Variants in COMMD1 observed in about 807,000 individuals in gnomAD.
COMMD1 encodes COMM domain-containing protein 1.
Under a neutral mutation model 17.2 loss-of-function variants are expected in COMMD1, and 10 were observed. That is an observed-to-expected ratio of 0.58 (90% CI 0.36 to 0.99). The LOEUF is 0.99. Among genes scored for constraint, COMMD1 ranks in the 50% least tolerant of loss-of-function variants. The pLI is 0.01. For synonymous variants in COMMD1, 97 were observed against 91.6 expected (o/e 1.06, Z -0.34); for missense variants, 270 against 231.8 (o/e 1.17, Z -1.07).
intron 1 of COMMD1, among the ~76,000 whole-genome samples, chr2:61,911,339 A>C (rs1339486985): frequency 6.6e-6 from 1 of 151,984 alleles, no homozygotes; most frequent in African/African-American, 2.4e-5. Flanking sequence ...AGCTGGTTGT[A>C]GCAGCAGGTG....
intron 1 of COMMD1, among the ~76,000 whole-genome samples, chr2:61,990,858 C>T (rs1045473157): frequency 7.0e-6 from 1 of 142,190 alleles, no homozygotes; most frequent in Non-Finnish European, 1.5e-5. Context: ...CAAAGCCAAA[C>T]CATATCACTC....
chr2:61,975,256 T>C (rs975320132), intron 1 of COMMD1, among the ~76,000 whole-genome samples: 9 of 152,090 alleles, frequency 5.9e-5, no homozygotes, highest in Non-Finnish European at 1.0e-4. Flanking sequence ...TATTTATCTG[T>C]TCACCTACTG....
chr2:62,031,269 T>C (rs1669901990), intron 2 of COMMD1, among the ~76,000 whole-genome samples: 1 of 152,234 alleles, frequency 6.6e-6, no homozygotes. Context: ...AGACAAAATA[T>C]AATTAAATCC....
At chr2:61,972,663 C>T (rs149719290) in intron 1 of COMMD1, among the ~76,000 whole-genome samples, 1 of 152,158 alleles carries the variant, frequency 6.6e-6, no homozygotes, top group Non-Finnish European at 1.5e-5. Flanking sequence ...TAACCTTTGT[C>T]TAACCAGGAG....
chr2:61,906,684 A>G (rs1177632317), intron 1 of COMMD1, among the ~76,000 whole-genome samples: 1 of 152,134 alleles, frequency 6.6e-6, no homozygotes, highest in East Asian at 1.9e-4. Flanking sequence ...ACTGACTTTT[A>G]TAGGTCTCCT....
At chr2:62,051,517 G>A (rs1670533422) in intron 2 of COMMD1, among the ~76,000 whole-genome samples, 2 of 152,064 alleles carry the variant, frequency 1.3e-5, no homozygotes, top group African/African-American at 4.8e-5. Context: ...CTCATCTTTG[G>A]TCTTTGTCTT....
chr2:62,062,058 T>C (rs1468255419), intron 2 of COMMD1, among the ~76,000 whole-genome samples: 1 of 151,494 alleles, frequency 6.6e-6, no homozygotes, highest in African/African-American at 2.4e-5. Flanking sequence ...GAGCAAGGAC[T>C]GTGGAGTCAA....
intron 2 of COMMD1, among the ~76,000 whole-genome samples, chr2:62,130,206 C>G (rs375078605): frequency 2.4e-4 from 35 of 146,566 alleles, no homozygotes; most frequent in African/African-American, 8.2e-4. Flanking sequence ...TTTGTGTCAA[C>G]AAATGAAATT....
intron 2 of COMMD1, among the ~76,000 whole-genome samples, chr2:62,062,240 T>C (rs1298237633): frequency 2.0e-5 from 3 of 151,824 alleles, no homozygotes; most frequent in Non-Finnish European, 4.4e-5. Context: ...TTTTGTTTTT[T>C]TTTGAGATGG....
intron 2 of COMMD1, among the ~76,000 whole-genome samples, chr2:62,056,117 T>C (rs1296132364): frequency 2.0e-5 from 3 of 152,238 alleles, no homozygotes; most frequent in Non-Finnish European, 4.4e-5. Flanking sequence ...GACAGCTTTC[T>C]GATTTCACTA....
chr2:62,029,946 C>A (rs1274496883), intron 2 of COMMD1, among the ~76,000 whole-genome samples: 1 of 152,218 alleles, frequency 6.6e-6, no homozygotes, highest in Non-Finnish European at 1.5e-5. Context: ...TACACGAGAG[C>A]CTTCAGAACA....
intron 1 of COMMD1, among the ~76,000 whole-genome samples, chr2:61,940,225 T>C (rs1246670849): frequency 6.6e-6 from 1 of 152,228 alleles, no homozygotes; most frequent in Non-Finnish European, 1.5e-5. Context: ...GCAATCTTTC[T>C]AGTTCCCATT....
intron 1 of COMMD1, among the ~76,000 whole-genome samples, chr2:61,938,529 A>G (rs944652750): frequency 6.6e-6 from 1 of 152,174 alleles, no homozygotes; most frequent in Non-Finnish European, 1.5e-5. Context: ...TTTAACCTTC[A>G]CGTGCCCACT....
At chr2:61,926,023 T>A (rs1315072216) in intron 1 of COMMD1, among the ~76,000 whole-genome samples, 1 of 152,044 alleles carries the variant, frequency 6.6e-6, no homozygotes, top group Non-Finnish European at 1.5e-5. Context: ...CAGGCTGGAG[T>A]GCTGTGGCAT....
intron 2 of COMMD1, among the ~76,000 whole-genome samples, chr2:62,090,541 CTTG>C (rs1671797493): frequency 2.0e-5 from 3 of 152,192 alleles, no homozygotes; most frequent in African/African-American, 7.2e-5. Context: ...TGTCACAGGA[CTTG>C]TTAACAGTGG....
intron 2 of COMMD1, among the ~76,000 whole-genome samples, chr2:62,042,617 C>T (rs1242892892): frequency 6.6e-6 from 1 of 152,208 alleles, no homozygotes; most frequent in African/African-American, 2.4e-5. Flanking sequence ...TCCACACCTC[C>T]CCGCGAGCAG....
chr2:61,907,385 G>A (rs533376377), intron 1 of COMMD1, among the ~76,000 whole-genome samples: 2 of 152,256 alleles, frequency 1.3e-5, no homozygotes, highest in Admixed American at 1.3e-4. Context: ...GATTACAGGC[G>A]TGAGCCACCC....
intron 2 of COMMD1, among the ~76,000 whole-genome samples, chr2:62,071,168 G>A (rs1671190243): frequency 1.3e-5 from 2 of 152,234 alleles, no homozygotes; most frequent in Admixed American, 1.3e-4. Flanking sequence ...CGGGAAAGGG[G>A]TGGGCAATTC....
At chr2:62,098,377 C>T (rs1294841857) in intron 2 of COMMD1, among the ~76,000 whole-genome samples, 1 of 152,010 alleles carries the variant, frequency 6.6e-6, no homozygotes, top group Non-Finnish European at 1.5e-5. Flanking sequence ...TCCCAAAATG[C>T]TGGGATTACA....
Sources: gnomAD v4.1 joint callset for allele counts (sites outside exome capture counted in the v4.1 genomes callset) on GRCh38, gnomAD v4.1.1 for gene constraint, MANE v1.5 for transcripts, NCBI Gene and HGNC (gene_info 2026-07-23, HGNC 2026-07-21) for gene names.